The following AIM2 variants were observed in gnomAD, a reference collection of about 807,000 sequenced individuals.
AIM2 encodes the protein interferon-inducible protein AIM2.
Under a neutral mutation model 27.7 loss-of-function variants are expected in AIM2, and 30 were observed. The observed-to-expected ratio is 1.08, with a 90% confidence interval of 0.81 to 1.47. The LOEUF (loss-of-function observed/expected upper bound fraction) is 1.47, where lower values mean the gene tolerates loss of function less well. Ranked by LOEUF, AIM2 falls within the 40% of genes most tolerant of loss-of-function variation. AIM2 has a pLI of 0.00. For missense variants in AIM2, 358 were observed against 411.3 expected, an observed-to-expected ratio of 0.87 and a Z score of 1.12; for synonymous variants, 141 against 145.3, an observed-to-expected ratio of 0.97 and a Z score of 0.21.
intron 1 of AIM2, among the ~76,000 whole-genome samples, chr1:159,090,122 G>A (rs998995710): frequency 6.6e-6 from 1 of 152,168 alleles, no homozygotes; most frequent in Non-Finnish European, 1.5e-5. Flanking sequence ...GTTCCCAGGG[G>A]GATTGGCTGC....
At chr1:159,102,169 G>A (rs1192330108) in intron 1 of AIM2, among the ~76,000 whole-genome samples, 1 of 152,200 alleles carries the variant, frequency 6.6e-6, no homozygotes, top group Non-Finnish European at 1.5e-5. Flanking sequence ...TGGCTAAAAG[G>A]GGCCATTGTA....
chr1:159,100,950 C>T (rs1657298976), intron 1 of AIM2, among the ~76,000 whole-genome samples: 1 of 152,172 alleles, frequency 6.6e-6, no homozygotes, highest in African/African-American at 2.4e-5. Context: ...ATCTACTGTC[C>T]CCCAGGCTGA....
intron 1 of AIM2, among the ~76,000 whole-genome samples, chr1:159,087,421 G>A (rs573509439): frequency 6.6e-6 from 1 of 152,172 alleles, no homozygotes; most frequent in Non-Finnish European, 1.5e-5. Flanking sequence ...AAGTATACCT[G>A]AAGACAAGGA....
chr1:159,130,402 C>CAT (rs1365540173), intron 1 of AIM2, among the ~76,000 whole-genome samples: 1 of 152,180 alleles, frequency 6.6e-6, no homozygotes, highest in Non-Finnish European at 1.5e-5. Flanking sequence ...TCTACTGGTA[C>CAT]ATATTTGACA....
intron 1 of AIM2, among the ~76,000 whole-genome samples, chr1:159,105,301 G>A (rs899793998): frequency 6.6e-6 from 1 of 152,226 alleles, no homozygotes; most frequent in South Asian, 2.1e-4. Context: ...CCAAAAGCTT[G>A]CAGATGCCAG....
intron 1 of AIM2, among the ~76,000 whole-genome samples, chr1:159,089,798 A>G (rs1033058613): frequency 6.6e-6 from 1 of 152,288 alleles, no homozygotes; most frequent in Admixed American, 6.5e-5. Flanking sequence ...CTTTCCATAA[A>G]TCACTGCTCT....
chr1:159,138,029 T>C (rs863029), intron 1 of AIM2, among the ~76,000 whole-genome samples: 137,363 of 152,228 alleles, frequency 0.9, 62,266 homozygotes, highest in East Asian at 1. Context: ...AGTTTATTTC[T>C]TTTTATTCCT....
downstream of AIM2, among the ~76,000 whole-genome samples, chr1:159,058,641 C>T (rs981707844): frequency 6.6e-6 from 1 of 152,032 alleles, no homozygotes; most frequent in South Asian, 2.1e-4. Context: ...ATGAAAGGCT[C>T]AGAAAGGAGA....
chr1:159,055,995 G>A, the AIM2 span, among the ~76,000 whole-genome samples: 1 of 152,150 alleles, frequency 6.6e-6, no homozygotes, highest in Non-Finnish European at 1.5e-5. Context: ...GTTAGGAGAG[G>A]GTTGTGGGGA....
intron 1 of AIM2, among the ~76,000 whole-genome samples, chr1:159,105,910 C>T (rs770874459): frequency 6.6e-6 from 1 of 152,158 alleles, no homozygotes; most frequent in Non-Finnish European, 1.5e-5. Context: ...TGCTTCGGGC[C>T]ATCCTTGGTT....
intron 1 of AIM2, among the ~76,000 whole-genome samples, chr1:159,128,818 A>G (rs906978454): frequency 6.6e-6 from 1 of 152,184 alleles, no homozygotes; most frequent in African/African-American, 2.4e-5. Context: ...TCATATTTTA[A>G]TAATGATACT....
intron 2 of AIM2, among the ~76,000 whole-genome samples, chr1:159,069,389 C>A (rs1656252534): frequency 6.6e-6 from 1 of 151,926 alleles, no homozygotes; most frequent in African/African-American, 2.4e-5. Context: ...TTCATAATGG[C>A]CTCCAATGAC....
chr1:159,110,975 G>A (rs917369414), intron 1 of AIM2, among the ~76,000 whole-genome samples: 2 of 152,054 alleles, frequency 1.3e-5, no homozygotes, highest in African/African-American at 4.8e-5. Flanking sequence ...TTACGCTAAT[G>A]TGCTCTAGGT....
chr1:159,079,479 G>C (rs922857738), upstream of AIM2, among the ~76,000 whole-genome samples: 1 of 152,120 alleles, frequency 6.6e-6, no homozygotes, highest in Non-Finnish European at 1.5e-5. Context: ...AATAAATACC[G>C]AATTTGATGA....
At chr1:159,082,411 A>C (rs1656799031) in intron 1 of AIM2, among the ~76,000 whole-genome samples, 1 of 152,224 alleles carries the variant, frequency 6.6e-6, no homozygotes, top group South Asian at 2.1e-4. Flanking sequence ...GAGGCTGGGA[A>C]GTCCAAGATC....
chr1:159,146,779 A>C (rs1206858101), intron 1 of AIM2, among the ~76,000 whole-genome samples: 3 of 152,098 alleles, frequency 2.0e-5, no homozygotes, highest in African/African-American at 7.2e-5. Context: ...CCAGGCCTCT[A>C]AATTCCGCTG....
intron 1 of AIM2, among the ~76,000 whole-genome samples, chr1:159,138,611 T>C (rs1315784805): frequency 6.6e-6 from 1 of 152,350 alleles, no homozygotes; most frequent in Non-Finnish European, 1.5e-5. Flanking sequence ...TAATGGGAAG[T>C]GGCATGAAGT....
chr1:159,108,185 T>C (rs1040956438), intron 1 of AIM2, among the ~76,000 whole-genome samples: 10 of 151,974 alleles, frequency 6.6e-5, no homozygotes, highest in Admixed American at 6.5e-5. Context: ...TCCATTAACA[T>C]ATCAAAAAAG....
chr1:159,071,060 A>G (rs982887923), intron 2 of AIM2, among the ~76,000 whole-genome samples: 3 of 152,208 alleles, frequency 2.0e-5, no homozygotes, highest in Non-Finnish European at 2.9e-5. Flanking sequence ...TATCATTTTC[A>G]GCATTTTATT....
Sources: allele counts gnomAD v4.1 joint callset (sites outside exome capture counted in the v4.1 genomes callset), GRCh38; gene constraint gnomAD v4.1.1; transcripts MANE v1.5; gene names NCBI Gene and HGNC (gene_info 2026-07-23, HGNC 2026-07-21).